The following CAMK4 variants were observed in gnomAD, a reference collection of about 807,000 sequenced individuals.
CAMK4 encodes the protein calcium/calmodulin dependent protein kinase IV.
A neutral mutation model predicts 44.9 loss-of-function variants in CAMK4; 22 were observed. That is an observed-to-expected ratio of 0.49 (90% CI 0.35 to 0.70). CAMK4 has a LOEUF of 0.70. CAMK4 is among the 30% of genes least tolerant of loss of function. CAMK4 has a pLI of 0.01. For missense variants in CAMK4, 498 were observed against 586.8 expected, an observed-to-expected ratio of 0.85 and a Z score of 1.56; for synonymous variants, 218 against 215.4, an observed-to-expected ratio of 1.01 and a Z score of -0.11.
At chr5:111,299,776 A>T (rs540949808) in intron 1 of CAMK4, among the ~76,000 whole-genome samples, 1 of 152,284 alleles carries the variant, frequency 6.6e-6, no homozygotes, top group East Asian at 1.9e-4. Flanking sequence ...AAACAGGAAA[A>T]TCTGGAGACA....
intron 1 of CAMK4, among the ~76,000 whole-genome samples, chr5:111,321,257 T>C (rs954883837): frequency 5.3e-5 from 8 of 152,126 alleles, no homozygotes; most frequent in Non-Finnish European, 1.0e-4. Context: ...CCAATGCTGC[T>C]GGACACAAGA....
chr5:111,280,903 C>CT (rs1411184550), intron 1 of CAMK4, among the ~76,000 whole-genome samples: 1 of 152,180 alleles, frequency 6.6e-6, no homozygotes, highest in Admixed American at 6.5e-5. Flanking sequence ...TGGATGGTTG[C>CT]TATGATACCA....
Position 111,224,589 on chromosome 5 carries a change from G to T in CAMK4, c.106G>T (p.Gly36Cys). ...CCTCGTCCCGGATTACTGGATCGAC[G>T]GCTCCAACAGGGATGCGCTGAGCGA... is the stretch of plus-strand genomic sequence containing the variant. ...ASLVPDYWID[G>C]SNRDALSDFF... is the part of the protein sequence containing the mutation. Residue 36 changes from glycine (G) to cysteine (C), a missense_variant, in exon 1 of 11, where the codon GGC becomes TGC. Around this residue, in one of 3 missense-constraint regions of CAMK4, gnomAD observed 152 missense variants for 143.7 expected, o/e 1.06. Transcript: ENST00000282356. This position sits in a 1 kb window ranked among gnomAD's most constrained non-coding sequence, Gnocchi z 5.7. 1 of 1,612,218 alleles carries T rather than the reference G, an allele frequency of 6.2e-7. No individual in the cohort carries two copies. Among genetic ancestry groups the T allele is most frequent in the Non-Finnish European group, 8.5e-7 (1 of 1,179,634 alleles).
intron 1 of CAMK4, among the ~76,000 whole-genome samples, chr5:111,252,800 A>G (rs1020677578): frequency 2.6e-5 from 4 of 152,230 alleles, no homozygotes; most frequent in Non-Finnish European, 4.4e-5. Context: ...GGGCTAGATA[A>G]GGAATGTGTC....
In CAMK4 at chr5:111,355,441, T is replaced by A. The variant is rs554120890; in HGVS notation, c.240+11339T>A. Among the ~76,000 whole-genome samples the A allele has an allele frequency of 3.3e-4, 50 of 152,178 alleles. No individual in the cohort carries two copies. The South Asian group carries it at 1.0e-2, about 30-fold the overall frequency. On this transcript the variant is annotated intron_variant, in intron 2 of 10. Coordinates refer to ENST00000282356, the MANE Select transcript of CAMK4 (RefSeq NM_001744.6). ...ATTGTTATGATTTGATGCATTTTCTTTATTGACATAAACATTGGTGGAATT... is the reference window on the plus strand; with the variant it reads ...ATTGTTATGATTTGATGCATTTTCTATATTGACATAAACATTGGTGGAATT...
At chr5:111,378,191 G>A (rs576696023) in intron 4 of CAMK4, among the ~76,000 whole-genome samples, 1 of 152,042 alleles carries the variant, frequency 6.6e-6, no homozygotes, top group Non-Finnish European at 1.5e-5. Context: ...CTTTTACTAT[G>A]TAAGGACACA....
chr5:111,389,204 AG>A (rs1330395427), intron 4 of CAMK4, among the ~76,000 whole-genome samples: 14 of 152,120 alleles, frequency 9.2e-5, no homozygotes, highest in Non-Finnish European at 1.5e-4. Context: ...GAAGGGACAA[AG>A]AAGCTTTCTA....
intron 8 of CAMK4, among the ~76,000 whole-genome samples, chr5:111,474,431 G>C (rs6879047): frequency 0.022 from 3,398 of 152,220 alleles, 130 homozygotes; most frequent in African/African-American, 0.077. Context: ...GGGAGAAGGA[G>C]AAAGCAAGCT....
At chr5:111,343,310 G>A (rs955125892) in intron 1 of CAMK4, among the ~76,000 whole-genome samples, 1 of 151,686 alleles carries the variant, frequency 6.6e-6, no homozygotes, top group Non-Finnish European at 1.5e-5. Context: ...CAAGTTTACT[G>A]ATCTTAAGCT....
At chr5:111,438,844 T>G (rs1753733300) in intron 5 of CAMK4, among the ~76,000 whole-genome samples, 1 of 152,204 alleles carries the variant, frequency 6.6e-6, no homozygotes, top group Non-Finnish European at 1.5e-5. Flanking sequence ...CTGTGCAGGA[T>G]TTAACATTTT....
intron 1 of CAMK4, among the ~76,000 whole-genome samples, chr5:111,227,553 C>T (rs571524036): frequency 6.6e-6 from 1 of 152,120 alleles, no homozygotes; most frequent in Non-Finnish European, 1.5e-5. Flanking sequence ...TGGACGGTGA[C>T]CACTGGGGCG....
intron 1 of CAMK4, among the ~76,000 whole-genome samples, chr5:111,326,402 A>G (rs2112707773): frequency 6.6e-6 from 1 of 152,108 alleles, no homozygotes; most frequent in African/African-American, 2.4e-5. Flanking sequence ...GACATAAGAA[A>G]TAAAAATAGA....
At chr5:111,227,620 TC>T (rs1748260053) in intron 1 of CAMK4, among the ~76,000 whole-genome samples, 1 of 152,182 alleles carries the variant, frequency 6.6e-6, no homozygotes, top group African/African-American at 2.4e-5. Context: ...CAAGGCTATA[TC>T]CACCTGAAGC....
intron 1 of CAMK4, among the ~76,000 whole-genome samples, chr5:111,274,539 A>G (rs1029019414): frequency 6.6e-6 from 1 of 152,198 alleles, no homozygotes; most frequent in Admixed American, 6.5e-5. Context: ...TGACAATGCC[A>G]CAGTGAACAT....
chr5:111,465,264 A>C (rs1580789632), intron 7 of CAMK4, among the ~76,000 whole-genome samples: 1 of 152,024 alleles, frequency 6.6e-6, no homozygotes, highest in Non-Finnish European at 1.5e-5. Flanking sequence ...AAGAGCACAA[A>C]TAGACAATCT....
rs1292522083 is a variant in CAMK4 at position 111,494,665 on chromosome 5, G to C, written c.*10199G>C. 1.3e-5 allele frequency: 2 copies of C among 151,448 alleles called. No homozygotes were observed. The highest frequency in any genetic ancestry group is 2.9e-5 in the Non-Finnish European group (2 of 67,996). The allele number at this position is 151,448 out of a possible 1,614,324, so 9.4% of individuals were successfully genotyped here. On this transcript the variant is annotated 3_prime_UTR_variant, in exon 11 of 11. Transcript: ENST00000282356. Reference sequence around the variant, plus strand: ...AATATGTAAATTTTGGGGGGGGTTGGGGGGTGTTTTCTAGGAACTTGAAGA... The same window carrying C: ...AATATGTAAATTTTGGGGGGGGTTGCGGGGTGTTTTCTAGGAACTTGAAGA...
At chr5:111,397,649 CTGTG>C (rs3066726) in intron 5 of CAMK4, among the ~76,000 whole-genome samples, 49 of 88,556 alleles carry the variant, frequency 5.5e-4, no homozygotes, top group African/African-American at 1.2e-3. Context: ...AGTCAGCATG[CTGTG>C]TGTGTGTGTG....
At chr5:111,427,422 C>T (rs551201568) in intron 5 of CAMK4, among the ~76,000 whole-genome samples, 38 of 152,324 alleles carry the variant, frequency 2.5e-4, no homozygotes, top group East Asian at 5.8e-4. Context: ...ACCACCTCAG[C>T]GGGGGTAGAA....
intron 7 of CAMK4, among the ~76,000 whole-genome samples, chr5:111,460,260 CTTTTCT>C (rs1474048727): frequency 7.4e-5 from 6 of 81,022 alleles, no homozygotes; most frequent in Non-Finnish European, 5.5e-5. Context: ...CTTTTCTTTT[CTTTTCT>C]TTTTCTTTTT....
Sources: gnomAD v4.1 joint callset for allele counts (sites outside exome capture counted in the v4.1 genomes callset) on GRCh38, gnomAD v4.1.1 for gene constraint, gnomAD v4.1.1 regional missense constraint, Gnocchi (gnomAD v3.1) non-coding constraint, MANE v1.5 for transcripts, NCBI Gene and HGNC (gene_info 2026-07-23, HGNC 2026-07-21) for gene names.